Variants in MYT1L observed in about 807,000 individuals in gnomAD.
MYT1L encodes myelin transcription factor 1 like.
In MYT1L, 12 loss-of-function variants were observed where a neutral mutation model predicts 126.7. That is an observed-to-expected ratio of 0.09 (90% CI 0.06 to 0.15). The LOEUF (loss-of-function observed/expected upper bound fraction) is 0.15. MYT1L is among the 10% of genes least tolerant of loss of function. The pLI, the probability that MYT1L is intolerant of heterozygous loss-of-function variation, is 1.00. For missense variants in MYT1L, 979 were observed against 1,585.2 expected, an observed-to-expected ratio of 0.62 and a Z score of 6.49; for synonymous variants, 541 against 604.2, an observed-to-expected ratio of 0.90 and a Z score of 1.53.
At chr2:2,207,975 T>A (rs1380206703) in intron 2 of MYT1L, among the ~76,000 whole-genome samples, 3 of 152,122 alleles carry the variant, frequency 2.0e-5, no homozygotes, top group Non-Finnish European at 4.4e-5. Flanking sequence ...TTGTCCACTC[T>A]GGTAGGTTGG....
At chr2:1,840,711 C>A (rs368521556) in intron 20 of MYT1L, 49 bp downstream of exon 20, 307 of 1,344,194 alleles carry the variant, frequency 2.3e-4, no homozygotes, top group Non-Finnish European at 3.0e-4. Context: ...AATGCCTCGT[C>A]CCCACATGGC....
chr2:1,861,867 C>CCGGCAGCCTGTGTAATCCTGGATCCTT (rs2044689389), intron 18 of MYT1L, among the ~76,000 whole-genome samples: 3 of 152,298 alleles, frequency 2.0e-5, no homozygotes, highest in Admixed American at 6.5e-5. Flanking sequence ...CCTAGATCTG[C>CCGGCAGCCTGTGTAATCCTGGATCCTT]CTGCAGCCTG....
chr2:2,149,140 CT>C (rs1391808724), intron 3 of MYT1L, among the ~76,000 whole-genome samples: 1 of 151,902 alleles, frequency 6.6e-6, no homozygotes, highest in Non-Finnish European at 1.5e-5. Context: ...CTCTTTTGTT[CT>C]TTTTTCTCTC....
intron 11 of MYT1L, among the ~76,000 whole-genome samples, chr2:1,913,742 G>T (rs1033699348): frequency 5.3e-5 from 8 of 152,040 alleles, no homozygotes; most frequent in Non-Finnish European, 8.8e-5. Context: ...GGTCCAGATG[G>T]CAAGTGCACT....
chr2:2,120,290 G>C (rs973501854), intron 3 of MYT1L, among the ~76,000 whole-genome samples: 1 of 152,106 alleles, frequency 6.6e-6, no homozygotes, highest in South Asian at 2.1e-4. Flanking sequence ...TCACAAGCCA[G>C]CCATGTACAC....
intron 18 of MYT1L, among the ~76,000 whole-genome samples, chr2:1,881,149 G>T (rs2047484341): frequency 6.6e-6 from 1 of 152,172 alleles, no homozygotes; most frequent in Non-Finnish European, 1.5e-5. Flanking sequence ...GTGAGAGGAG[G>T]AGGAGGCAGG....
At chr2:2,076,187 C>G (rs946898229) in intron 3 of MYT1L, among the ~76,000 whole-genome samples, 2 of 152,126 alleles carry the variant, frequency 1.3e-5, no homozygotes, top group African/African-American at 2.4e-5. Context: ...TATAGACAAC[C>G]ACAGAGAACT....
intron 20 of MYT1L, among the ~76,000 whole-genome samples, 199 bp downstream of exon 20, chr2:1,840,561 C>T (rs1336896694): frequency 1.3e-5 from 2 of 152,034 alleles, no homozygotes; most frequent in Non-Finnish European, 2.9e-5. Flanking sequence ...GCTGGACAGC[C>T]CATGTAACTT....
chr2:2,001,090 T>C (rs1469242017), intron 4 of MYT1L, among the ~76,000 whole-genome samples: 1 of 152,198 alleles, frequency 6.6e-6, no homozygotes, highest in African/African-American at 2.4e-5. Flanking sequence ...CGTGCCCCCA[T>C]ACAACCTGAA....
chr2:2,117,859 G>A (rs1034162921), intron 3 of MYT1L, among the ~76,000 whole-genome samples: 16 of 151,916 alleles, frequency 1.1e-4, no homozygotes, highest in African/African-American at 3.6e-4. Context: ...AGCCAGAGTC[G>A]GTAATAGGCG....
chr2:2,313,998 A>G (rs1242884701), intron 1 of MYT1L, among the ~76,000 whole-genome samples: 5 of 152,240 alleles, frequency 3.3e-5, no homozygotes, highest in Non-Finnish European at 7.3e-5. Flanking sequence ...ATAGCAAAGG[A>G]GAAATAACTA....
At chr2:2,298,149 TAAACACAG>T (rs2095725845) in intron 1 of MYT1L, among the ~76,000 whole-genome samples, 1 of 152,176 alleles carries the variant, frequency 6.6e-6, no homozygotes, top group Non-Finnish European at 1.5e-5. Flanking sequence ...TGGGCTGAAA[TAAACACAG>T]AAACACTTGA....
At position 1,979,590 on chromosome 2, in the gene MYT1L, C is replaced by G. The variant is rs759910694; in HGVS notation, c.56-36G>C. On this transcript the variant is annotated intron_variant, in intron 6 of 24. Coordinates refer to ENST00000647738, the MANE Select transcript of MYT1L (RefSeq NM_001303052.2). The surrounding 1 kb of genome is among the most constrained non-coding windows in gnomAD (Gnocchi z 4.0). The stretch of plus-strand genomic sequence containing the variant: ...ATGGAAATAGATAAAAATTTACCAT[C>G]TATCACAAGCGACCCTCTTCCACAG... 2 of 1,609,310 alleles carry G rather than the reference C, an allele frequency of 1.2e-6. No homozygotes were observed. The highest frequency in any genetic ancestry group is 3.3e-5 in the Admixed American group (2 of 59,970).
intron 1 of MYT1L, among the ~76,000 whole-genome samples, chr2:2,289,338 C>A (rs538131420): frequency 6.6e-6 from 1 of 152,266 alleles, no homozygotes; most frequent in East Asian, 1.9e-4. Context: ...TGATTTTACC[C>A]CATATTTCAA....
chr2:1,931,370 C>G (rs1245451418), intron 9 of MYT1L, among the ~76,000 whole-genome samples: 1 of 151,732 alleles, frequency 6.6e-6, no homozygotes, highest in Non-Finnish European at 1.5e-5. Flanking sequence ...AGTACTTCCT[C>G]CACCCTCAGC....
intron 2 of MYT1L, among the ~76,000 whole-genome samples, chr2:2,206,925 G>A (rs2148872815): frequency 6.6e-6 from 1 of 152,350 alleles, no homozygotes; most frequent in South Asian, 2.1e-4. Context: ...CAAGAAGGCT[G>A]CATTGTAGGA....
chr2:2,256,034 TA>T (rs1207349769), intron 2 of MYT1L, among the ~76,000 whole-genome samples: 6 of 152,198 alleles, frequency 3.9e-5, no homozygotes, highest in African/African-American at 1.4e-4. Context: ...ACTTGTTTTC[TA>T]AAGAGAAGGT....
At chr2:2,025,595 T>C (rs535847265) in intron 4 of MYT1L, among the ~76,000 whole-genome samples, 2 of 152,266 alleles carry the variant, frequency 1.3e-5, no homozygotes, top group South Asian at 4.1e-4. Context: ...CTGAGATCCT[T>C]TGAGAAAAGT....
At position 1,817,585 on chromosome 2, in the gene MYT1L, A is replaced by C. The variant is rs528754670; in HGVS notation, c.3081-8418T>G. On this transcript the variant is annotated intron_variant, in intron 21 of 24. Transcript: ENST00000647738. Reference sequence around the variant, plus strand: ...CGGCTGTGTCGGTGCTGCCAATTCCAATCCGGTGACTGCACTGCCAGCTCA... The same window carrying C: ...CGGCTGTGTCGGTGCTGCCAATTCCCATCCGGTGACTGCACTGCCAGCTCA... Among the ~76,000 whole-genome samples the C allele has an allele frequency of 6.6e-5, 10 of 152,366 alleles. No homozygotes were observed. The East Asian group carries it at 1.9e-3, about 29-fold the overall frequency.
Sources: gnomAD v4.1 joint callset for allele counts (sites outside exome capture counted in the v4.1 genomes callset) on GRCh38, gnomAD v4.1.1 for gene constraint, Gnocchi (gnomAD v3.1) non-coding constraint, MANE v1.5 for transcripts, NCBI Gene and HGNC (gene_info 2026-07-23, HGNC 2026-07-21) for gene names.